CAST: variants seen among roughly 807,000 people sequenced by gnomAD.
The protein encoded by CAST is calpastatin, also known as MIR583 host.
In CAST, 76 loss-of-function variants were observed where a neutral mutation model predicts 119.6. The observed-to-expected ratio is 0.64, with a 90% CI of 0.53 to 0.77. The LOEUF is 0.77. CAST is among the 30% of genes least tolerant of loss of function. The probability of loss-of-function intolerance (pLI) is 0.00; values close to 1 mark genes in which losing one functional copy is unlikely to be tolerated. For synonymous variants in CAST, 319 were observed against 331.6 expected (o/e 0.96, Z 0.41); for missense variants, 953 against 946.5 (o/e 1.01, Z -0.09).
the CAST span, among the ~76,000 whole-genome samples, chr5:96,342,622 G>A: frequency 6.6e-6 from 1 of 152,332 alleles, no homozygotes; most frequent in East Asian, 1.9e-4. Context: ...AAATGGAAAG[G>A]CAGCTAGTCC....
At position 96,742,760 on chromosome 5, in the gene CAST, C is replaced by T. The variant is rs942316181; in HGVS notation, c.1200+4C>T. On this transcript the variant is annotated splice_donor_region_variant and intron_variant, in intron 16 of 31. Transcript: ENST00000675179. ...CTCAATTAAGGAAGTCGATGAGGTA[C>T]TGACCTTAGAGTTGATTTACAAAGC... The T allele has an allele frequency of 4.4e-6, 7 of 1,603,704 alleles. No homozygotes were observed. Among genetic ancestry groups the T allele is most frequent in the Non-Finnish European group, 6.0e-6 (7 of 1,170,676 alleles).
At chr5:96,443,419 C>T in the CAST span, among the ~76,000 whole-genome samples, 1 of 152,158 alleles carries the variant, frequency 6.6e-6, no homozygotes, top group African/African-American at 2.4e-5. Context: ...TACATCCTGC[C>T]CCAACACCCA....
At chr5:96,737,747 T>A in intron 10 of CAST, 102 bp from the exon 11 acceptor site, 1 of 603,124 alleles carries the variant, frequency 1.7e-6, no homozygotes, top group Non-Finnish European at 2.9e-6. Context: ...GAACTTTTGG[T>A]GTTTGGTGGT....
chr5:96,708,039 A>G (rs1431939975), intron 3 of CAST, among the ~76,000 whole-genome samples: 1 of 152,202 alleles, frequency 6.6e-6, no homozygotes, highest in African/African-American at 2.4e-5. Context: ...AATGTAGGAA[A>G]TTGTGTTTAT....
At chr5:96,122,179 GA>G in the CAST span, among the ~76,000 whole-genome samples, 3 of 151,860 alleles carry the variant, frequency 2.0e-5, no homozygotes, top group East Asian at 1.9e-4. Context: ...ATTTAGTTAG[GA>G]AAAAAATCAC....
intron 1 of CAST, among the ~76,000 whole-genome samples, chr5:96,595,998 C>A (rs1010223303): frequency 6.6e-6 from 1 of 152,072 alleles, no homozygotes; most frequent in Non-Finnish European, 1.5e-5. Flanking sequence ...CAGAGAGCTG[C>A]AAATGGGGTG....
At chr5:96,768,425 A>G (rs1424536483) in intron 29 of CAST, 6 of 456,382 alleles carry the variant, frequency 1.3e-5, no homozygotes. Flanking sequence ...ACGATGATAT[A>G]GAGAACCTGA....
At chr5:96,771,588 T>C in intron 30 of CAST, 56 bp from the exon 31 acceptor site, 3 of 1,352,668 alleles carry the variant, frequency 2.2e-6, no homozygotes, top group Non-Finnish European at 3.1e-6. Flanking sequence ...GAAGGCCATC[T>C]CCTCATACTT....
At chr5:96,083,671 T>C in the CAST span, among the ~76,000 whole-genome samples, 17 of 152,354 alleles carry the variant, frequency 1.1e-4, no homozygotes, top group East Asian at 2.7e-3. Flanking sequence ...CTTGTTTCCA[T>C]GGTGTTTAAG....
chr5:96,018,979 G>T, the CAST span, among the ~76,000 whole-genome samples: 1 of 152,092 alleles, frequency 6.6e-6, no homozygotes, highest in African/African-American at 2.4e-5. Context: ...TAGAGGTTCT[G>T]GGAGTCACCA....
At chr5:96,550,963 G>A (rs1746115354) in intron 1 of CAST, among the ~76,000 whole-genome samples, 1 of 152,190 alleles carries the variant, frequency 6.6e-6, no homozygotes, top group Non-Finnish European at 1.5e-5. Context: ...AAAGTCACGG[G>A]GGGAATGGAA....
At chr5:96,440,712 C>T in the CAST span, among the ~76,000 whole-genome samples, 6 of 152,006 alleles carry the variant, frequency 3.9e-5, no homozygotes, top group Admixed American at 6.5e-5. Context: ...CAGGGTTTGG[C>T]GTTAAGAAAG....
At chr5:96,061,243 A>G in the CAST span, among the ~76,000 whole-genome samples, 2 of 152,110 alleles carry the variant, frequency 1.3e-5, no homozygotes, top group African/African-American at 4.8e-5. Context: ...ACACCATTCA[A>G]TAAACAGCTC....
the CAST span, among the ~76,000 whole-genome samples, chr5:95,988,061 C>G: frequency 2.0e-5 from 3 of 152,190 alleles, no homozygotes; most frequent in Admixed American, 1.3e-4. Flanking sequence ...AGAAAATCCA[C>G]TACATTAGCT....
the CAST span, chr5:96,392,298 C>A: frequency 6.6e-6 from 1 of 152,144 alleles, no homozygotes; most frequent in African/African-American, 2.4e-5. Flanking sequence ...GCATGCAGCA[C>A]GAGTCATAAC....
chr5:96,620,675 C>T (rs768280391), intron 1 of CAST, among the ~76,000 whole-genome samples: 14 of 151,964 alleles, frequency 9.2e-5, no homozygotes, highest in Admixed American at 7.2e-4. Flanking sequence ...GTAAGTTAAG[C>T]AGCATAAAAA....
intron 29 of CAST, chr5:96,768,552 T>C (rs1003195483): frequency 5.6e-6 from 2 of 355,230 alleles, no homozygotes; most frequent in African/African-American, 2.2e-5. Flanking sequence ...AGTCCACTTA[T>C]AAAACACTGC....
chr5:96,259,913 A>G, the CAST span, among the ~76,000 whole-genome samples: 1,068 of 146,458 alleles, frequency 7.3e-3, 10 homozygotes, highest in African/African-American at 0.026. Context: ...TATGTTTTCC[A>G]TTATCTTTTG....
chr5:96,258,376 C>T, the CAST span, among the ~76,000 whole-genome samples: 1 of 152,068 alleles, frequency 6.6e-6, no homozygotes, highest in African/African-American at 2.4e-5. Flanking sequence ...AGGTTTCTAC[C>T]TTTTATTACT....
Sources: allele counts gnomAD v4.1 joint callset (sites outside exome capture counted in the v4.1 genomes callset), GRCh38; gene constraint gnomAD v4.1.1; transcripts MANE v1.5; gene names NCBI Gene and HGNC (gene_info 2026-07-23, HGNC 2026-07-21).